CYFIP1: variants seen among roughly 807,000 people sequenced by gnomAD.
CYFIP1 encodes cytoplasmic FMR1 interacting protein 1.
A neutral mutation model predicts 163.5 loss-of-function variants in CYFIP1; 58 were observed. That is an observed-to-expected ratio of 0.35 (90% CI 0.29 to 0.44). CYFIP1 has a LOEUF of 0.44. Ranked by LOEUF, CYFIP1 falls within the 20% of genes least tolerant of loss-of-function variation. The pLI, the probability that CYFIP1 is intolerant of heterozygous loss-of-function variation, is 1.00. For missense variants in CYFIP1, 1,338 were observed against 1,653.8 expected, an observed-to-expected ratio of 0.81 and a Z score of 3.31; for synonymous variants, 663 against 660.7, an observed-to-expected ratio of 1.00 and a Z score of -0.05.
rs1298718709 is a variant in CYFIP1 at position 22,892,394 on chromosome 15, G to A, written c.2676+496C>T. On this transcript the variant is annotated intron_variant, in intron 23 of 30. Transcript: ENST00000617928. ...ACACATGGTAGACCCGGGTGCTCCG[G>A]GTTTCCACCCTCCAGGCACAGGCGG... 2.0e-5 allele frequency among the ~76,000 whole-genome samples: 3 copies of A among 152,228 alleles called. No individual in the cohort carries two copies. The East Asian group carries it at 5.8e-4, about 29-fold the overall frequency.
In CYFIP1 at chr15:22,951,639, C is replaced by G. The variant is rs1040289117; in HGVS notation, c.-6-4348G>C. 67 of 1,047,178 alleles carry G rather than the reference C, an allele frequency of 6.4e-5. 1 individual carries two copies. Among genetic ancestry groups the G allele is most frequent in the South Asian group, 8.6e-5 (6 of 69,390 alleles). 64.9% of individuals were successfully genotyped at this position (1,047,178 alleles called of 1,614,324 possible). On this transcript the variant is annotated intron_variant, in intron 1 of 30. Coordinates refer to ENST00000617928, the MANE Select transcript of CYFIP1 (RefSeq NM_014608.6). ...CGTGTCCAGTCATGCCCGGGCCCCA[C>G]GCGGGTCAACAAGAAGACAGGTCGG...
rs112670608 is a variant in CYFIP1 at position 22,917,938 on chromosome 15, G to A, written c.1527-3C>T. The A allele has an allele frequency of 5.0e-6, 8 of 1,612,858 alleles. No individual in the cohort carries two copies. The Admixed American group carries it at 6.7e-5, about 13-fold the overall frequency. On this transcript the variant is annotated splice_polypyrimidine_tract_variant and splice_region_variant and intron_variant, in intron 14 of 30. Coordinates refer to ENST00000617928, the MANE Select transcript of CYFIP1 (RefSeq NM_014608.6). The surrounding 1 kb of genome is among the most constrained non-coding windows in gnomAD (Gnocchi z 4.2). Reference sequence around the variant, plus strand: ...TCTTCCTGATGGCCTGCAGGACACTGAACACCCCACCAAGTGATCAGCAAG... The same window carrying A: ...TCTTCCTGATGGCCTGCAGGACACTAAACACCCCACCAAGTGATCAGCAAG...
rs982701022 is a variant in CYFIP1, at chr15:22,869,067, G to C, written c.*961C>G. 2 of 152,180 alleles carry C rather than the reference G, an allele frequency of 1.3e-5. No individual in the cohort carries two copies. The highest frequency in any genetic ancestry group is 4.8e-5 in the African/African-American group (2 of 41,428). The allele number at this position is 152,180 out of a possible 1,614,324, so 9.4% of individuals were successfully genotyped here. A position where few individuals can be genotyped will look rare whatever the true frequency, so the allele number is the denominator to read the frequency against. On this transcript the variant is annotated 3_prime_UTR_variant, in exon 31 of 31. Transcript: ENST00000617928. ...TCATTCTGACAGATCATGTGAACCA[G>C]CTCCAGCCATGTGAGCCCTGTGGAT...
intron 1 of CYFIP1, among the ~76,000 whole-genome samples, chr15:22,954,911 G>A (rs2062391442): frequency 1.3e-5 from 2 of 152,124 alleles, no homozygotes; most frequent in African/African-American, 4.8e-5. Flanking sequence ...CTCATGGGTC[G>A]GGATGCACCT....
chr15:22,974,671 A>C (rs570061844), intron 1 of CYFIP1, among the ~76,000 whole-genome samples: 1 of 152,290 alleles, frequency 6.6e-6, no homozygotes, highest in Admixed American at 6.5e-5. Context: ...CGGAGGTTGC[A>C]GTAAGCTGAG....
chr15:22,906,086 C>T (rs2060568592), intron 21 of CYFIP1, among the ~76,000 whole-genome samples: 1 of 151,298 alleles, frequency 6.6e-6, no homozygotes, highest in Non-Finnish European at 1.5e-5. Context: ...TTTCTTTTTT[C>T]CAATAACCTT....
At chr15:22,973,563 C>T (rs2063171618) in intron 1 of CYFIP1, among the ~76,000 whole-genome samples, 1 of 152,132 alleles carries the variant, frequency 6.6e-6, no homozygotes, top group African/African-American at 2.4e-5. Flanking sequence ...CTCTGGTAAC[C>T]ACCATTCTGC....
At chr15:22,928,501 T>C (rs2061430667) in intron 11 of CYFIP1, among the ~76,000 whole-genome samples, 1 of 152,198 alleles carries the variant, frequency 6.6e-6, no homozygotes, top group Non-Finnish European at 1.5e-5. Flanking sequence ...AAGGGCGTGC[T>C]GCAGAGCACA....
At position 22,917,079 on chromosome 15, in the gene CYFIP1, T is replaced by C. The variant is rs936899008; in HGVS notation, c.1675-449A>G. On this transcript the variant is annotated intron_variant, in intron 15 of 30. Coordinates refer to ENST00000617928, the MANE Select transcript of CYFIP1 (RefSeq NM_014608.6). The surrounding 1 kb of genome is among the most constrained non-coding windows in gnomAD (Gnocchi z 4.2). Reference sequence around the variant, plus strand: ...GAGGCAGGAGAGAGACGTTAGTCACTCGACACACACACCCCAGGCAGGGAC... The same window carrying C: ...GAGGCAGGAGAGAGACGTTAGTCACCCGACACACACACCCCAGGCAGGGAC... 6 of 1,483,798 alleles carry C rather than the reference T, an allele frequency of 4.0e-6. No homozygotes were observed. Among genetic ancestry groups the C allele is most frequent in the Non-Finnish European group, 5.4e-6 (6 of 1,119,686 alleles). 91.9% of individuals were successfully genotyped at this position (1,483,798 alleles called of 1,614,324 possible).
chr15:22,960,684 G>A (rs1356242591), intron 1 of CYFIP1, among the ~76,000 whole-genome samples: 1 of 152,196 alleles, frequency 6.6e-6, no homozygotes, highest in African/African-American at 2.4e-5. Context: ...AACACCACTG[G>A]CCCATGCATG....
chr15:22,957,045 G>GA (rs1181778245), intron 1 of CYFIP1, among the ~76,000 whole-genome samples: 1 of 152,258 alleles, frequency 6.6e-6, no homozygotes, highest in Non-Finnish European at 1.5e-5. Flanking sequence ...CCACAATCCA[G>GA]AAAATGCAGA....
chr15:22,944,530 ACC>A, intron 5 of CYFIP1, 26 bp downstream of exon 5: 1 of 1,486,236 alleles, frequency 6.7e-7, no homozygotes, highest in Non-Finnish European at 9.4e-7. Flanking sequence ...TCGGTGTTAC[ACC>A]CCCCCCAGAT....
chr15:22,945,201 C>T (rs2062018929), intron 3 of CYFIP1, among the ~76,000 whole-genome samples: 1 of 152,172 alleles, frequency 6.6e-6, no homozygotes, highest in Admixed American at 6.5e-5. Context: ...ACAGGCGTTA[C>T]ACCTTGGCTC....
At chr15:22,943,010 T>TC (rs986284638) in intron 6 of CYFIP1, among the ~76,000 whole-genome samples, 163 bp downstream of exon 6, 31 of 152,110 alleles carry the variant, frequency 2.0e-4, no homozygotes, top group African/African-American at 7.2e-4. Context: ...CCTCACCTTA[T>TC]CCCTCGAAGC....
chr15:22,930,511 C>G (rs7176977), intron 11 of CYFIP1, among the ~76,000 whole-genome samples: 1 of 151,806 alleles, frequency 6.6e-6, no homozygotes, highest in East Asian at 1.9e-4. Context: ...CAAGACCACA[C>G]ACATGATGGT....
chr15:22,927,683 A>G (rs1466544766), intron 12 of CYFIP1, among the ~76,000 whole-genome samples: 2 of 151,530 alleles, frequency 1.3e-5, no homozygotes, highest in East Asian at 3.9e-4. Context: ...GAAAATCACA[A>G]TGGTACAAAT....
intron 1 of CYFIP1, among the ~76,000 whole-genome samples, chr15:22,964,648 G>T (rs1425634760): frequency 6.6e-6 from 1 of 152,156 alleles, no homozygotes; most frequent in Non-Finnish European, 1.5e-5. Context: ...ACCCCACCCT[G>T]TCCTCAATCA....
At chr15:22,894,240 G>A (rs145278569) in intron 22 of CYFIP1, among the ~76,000 whole-genome samples, 3 of 149,700 alleles carry the variant, frequency 2.0e-5, no homozygotes, top group East Asian at 2.0e-4. Context: ...GGAGCCAAGC[G>A]CCAGGATATG....
rs1567003004 is a variant in CYFIP1 at position 22,939,556 on chromosome 15, T to TAAAA, written c.570-50_570-49insTTTT. ...CCCAAAATGCACCAACGTGCCACAT[T>TAAAA]TAAAAAAAAAAAAAAAAAAAAAAAA... On this transcript the variant is annotated intron_variant, in intron 6 of 30. Coordinates refer to ENST00000617928, the MANE Select transcript of CYFIP1 (RefSeq NM_014608.6). The TAAAA allele has an allele frequency of 1.9e-3, 763 of 410,116 alleles. 19 individuals carry two copies. Among genetic ancestry groups the TAAAA allele is most frequent in the African/African-American group, 5.2e-3 (147 of 28,312 alleles). The allele number at this position is 410,116 out of a possible 1,614,324, so 25.4% of individuals were successfully genotyped here. A position where few individuals can be genotyped will look rare whatever the true frequency, so the allele number is the denominator to read the frequency against.
Sources: allele counts gnomAD v4.1 joint callset (sites outside exome capture counted in the v4.1 genomes callset), GRCh38; gene constraint gnomAD v4.1.1; non-coding constraint Gnocchi (gnomAD v3.1); transcripts MANE v1.5; gene names NCBI Gene and HGNC (gene_info 2026-07-23, HGNC 2026-07-21).